Variants in DLGAP4 observed in about 807,000 individuals in gnomAD.
The protein encoded by DLGAP4 is DLG associated protein 4.
Under a neutral mutation model 86.9 loss-of-function variants are expected in DLGAP4, and 18 were observed. That is an observed-to-expected ratio of 0.21 (90% CI 0.14 to 0.31). The LOEUF is 0.31. Ranked by LOEUF, DLGAP4 falls within the 10% of genes least tolerant of loss-of-function variation. The pLI is 1.00. For synonymous variants in DLGAP4, 548 were observed against 574.3 expected, an observed-to-expected ratio of 0.95 and a Z score of 0.65; for missense variants, 1,085 against 1,362.6, an observed-to-expected ratio of 0.80 and a Z score of 3.21.
intron 7 of DLGAP4, among the ~76,000 whole-genome samples, chr20:36,459,574 C>T (rs2033967829): frequency 6.6e-6 from 1 of 152,052 alleles, no homozygotes; most frequent in African/African-American, 2.4e-5. Flanking sequence ...GGCAGGGTCT[C>T]CCTATGTTGC....
rs560332244 is a variant in DLGAP4 at position 36,385,147 on chromosome 20, A to C, written c.-73+17872A>C. 5.9e-5 allele frequency among the ~76,000 whole-genome samples: 9 copies of C among 152,084 alleles called. No homozygotes were observed. The South Asian group carries it at 1.9e-3, about 32-fold the overall frequency. ...TTTCCTCTCCTAGGAATATGGCACC[A>C]CCACCCTCCCCTCACCACTAGCCCC... On this transcript the variant is annotated intron_variant, in intron 2 of 12. Coordinates refer to ENST00000339266, the MANE Select transcript of DLGAP4 (RefSeq NM_001365621.2).
chr20:36,385,490 A>G (rs1048914935), intron 2 of DLGAP4, among the ~76,000 whole-genome samples: 2 of 152,206 alleles, frequency 1.3e-5, no homozygotes, highest in Non-Finnish European at 2.9e-5. Context: ...GCAAAAGTGC[A>G]AAAGGGCCTA....
chr20:36,507,425 A>G (rs1331263944), intron 10 of DLGAP4, among the ~76,000 whole-genome samples: 1 of 152,058 alleles, frequency 6.6e-6, no homozygotes, highest in Non-Finnish European at 1.5e-5. Context: ...ACAGGGTTTC[A>G]CCATGTTGGC....
intron 2 of DLGAP4, among the ~76,000 whole-genome samples, chr20:36,376,972 G>A (rs2031180628): frequency 6.6e-6 from 1 of 152,184 alleles, no homozygotes; most frequent in South Asian, 2.1e-4. Flanking sequence ...AGGGGCAGAG[G>A]TGGGTGAGAG....
chr20:36,428,563 C>T (rs1361526664), intron 2 of DLGAP4, among the ~76,000 whole-genome samples: 1 of 152,194 alleles, frequency 6.6e-6, no homozygotes, highest in Non-Finnish European at 1.5e-5. Context: ...GGTACCGTCC[C>T]ATCCTCCCCA....
intron 2 of DLGAP4, among the ~76,000 whole-genome samples, chr20:36,374,581 C>T (rs1353180652): frequency 5.9e-5 from 9 of 152,178 alleles, no homozygotes; most frequent in Admixed American, 5.9e-4. Context: ...TGTCAGTGAG[C>T]TCACTCTGCC....
At chr20:36,435,221 A>G (rs892552405) in intron 3 of DLGAP4, among the ~76,000 whole-genome samples, 1 of 152,008 alleles carries the variant, frequency 6.6e-6, no homozygotes, top group Non-Finnish European at 1.5e-5. Context: ...AGGCATGTTC[A>G]CTCTGTGCAC....
intron 2 of DLGAP4, among the ~76,000 whole-genome samples, chr20:36,368,193 A>C (rs374272537): frequency 1.8e-4 from 28 of 152,302 alleles, no homozygotes; most frequent in African/African-American, 6.0e-4. Flanking sequence ...CTCCACCCAG[A>C]CACCAGCAGG....
intron 1 of DLGAP4, among the ~76,000 whole-genome samples, chr20:36,323,802 C>G (rs1432918534): frequency 1.3e-5 from 2 of 152,282 alleles, no homozygotes; most frequent in Non-Finnish European, 2.9e-5. Context: ...ACCTAGATCC[C>G]CCGCATGCGT....
chr20:36,396,410 TACACACACACAC>T (rs533028500), intron 2 of DLGAP4, among the ~76,000 whole-genome samples: 2 of 14,512 alleles, frequency 1.4e-4, no homozygotes, highest in Admixed American at 7.9e-4. Context: ...ACACACCACA[TACACACACACAC>T]ACCACATACA....
rs1301949209 is a variant in DLGAP4 at position 36,431,264 on chromosome 20, G to A, written c.-72-382G>A. 6.6e-6 allele frequency among the ~76,000 whole-genome samples: 1 copy of A among 152,076 alleles called. No individual in the cohort carries two copies. Among genetic ancestry groups the A allele is most frequent in the East Asian group, 1.9e-4 (1 of 5,170 alleles). ...TGGGCTGGGGTATTTGCATCTATGT[G>A]GACCCTCGGGGTGAGGGACAGAGTC... On this transcript the variant is annotated intron_variant, in intron 2 of 12. Transcript: ENST00000339266. The surrounding 1 kb of genome is among the most constrained non-coding windows in gnomAD (Gnocchi z 5.1).
intron 10 of DLGAP4, among the ~76,000 whole-genome samples, chr20:36,509,409 G>A (rs2036562215): frequency 6.6e-6 from 1 of 151,778 alleles, no homozygotes; most frequent in Non-Finnish European, 1.5e-5. Context: ...CGTCTCTACT[G>A]AAAATACAAA....
intron 7 of DLGAP4, among the ~76,000 whole-genome samples, chr20:36,485,368 A>C (rs1480392726): frequency 6.6e-6 from 1 of 152,024 alleles, no homozygotes; most frequent in Non-Finnish European, 1.5e-5. Context: ...AAAAAAAAAA[A>C]ACTGCTAGCT....
intron 1 of DLGAP4, among the ~76,000 whole-genome samples, chr20:36,343,848 C>T (rs2065409196): frequency 1.3e-5 from 2 of 152,184 alleles, no homozygotes; most frequent in Non-Finnish European, 2.9e-5. Context: ...ACTGGTGGGC[C>T]CCGAGTGGCT....
intron 2 of DLGAP4, among the ~76,000 whole-genome samples, chr20:36,407,292 A>T (rs894779191): frequency 1.3e-5 from 2 of 152,150 alleles, no homozygotes; most frequent in Admixed American, 1.3e-4. Context: ...GTGAGCCATG[A>T]TTGCATCAGG....
intron 7 of DLGAP4, among the ~76,000 whole-genome samples, chr20:36,466,807 C>G (rs572582113): frequency 2.0e-5 from 3 of 152,224 alleles, no homozygotes; most frequent in Admixed American, 2.0e-4. Flanking sequence ...CGGGCTCCCT[C>G]GTCTCTGTAC....
At chr20:36,334,012 C>A (rs1159001602) in intron 1 of DLGAP4, among the ~76,000 whole-genome samples, 1 of 152,164 alleles carries the variant, frequency 6.6e-6, no homozygotes, top group Non-Finnish European at 1.5e-5. Context: ...TGGGGAGTGG[C>A]GACTCTGTGG....
chr20:36,501,376 T>C (rs1395959978), intron 10 of DLGAP4, among the ~76,000 whole-genome samples: 3 of 152,218 alleles, frequency 2.0e-5, no homozygotes, highest in Non-Finnish European at 2.9e-5. Flanking sequence ...AACAGCTTCT[T>C]ACTGAGTGCT....
At chr20:36,467,224 C>T (rs899507211) in intron 7 of DLGAP4, among the ~76,000 whole-genome samples, 4 of 152,118 alleles carry the variant, frequency 2.6e-5, no homozygotes, top group South Asian at 2.1e-4. Context: ...TGTAATTAAG[C>T]GTCTGCTGAG....
Sources: allele counts gnomAD v4.1 joint callset (sites outside exome capture counted in the v4.1 genomes callset), GRCh38; gene constraint gnomAD v4.1.1; non-coding constraint Gnocchi (gnomAD v3.1); transcripts MANE v1.5; gene names NCBI Gene and HGNC (gene_info 2026-07-23, HGNC 2026-07-21).